Variants in BRIP1 observed in about 807,000 individuals in gnomAD.
BRIP1 encodes the protein BRCA1 interacting DNA helicase 1.
In BRIP1, 88 loss-of-function variants were observed where a neutral mutation model predicts 119.7. The ratio of observed to expected loss-of-function variants is 0.74; its 90% CI spans 0.62 to 0.88. BRIP1 has a LOEUF of 0.88. Ranked by LOEUF, BRIP1 falls within the 40% of genes least tolerant of loss-of-function variation. BRIP1 has a pLI of 0.00. For synonymous variants in BRIP1, 443 were observed against 496.5 expected, an observed-to-expected ratio of 0.89 and a Z score of 1.43; for missense variants, 1,259 against 1,455.4, an observed-to-expected ratio of 0.87 and a Z score of 2.20.
Position 61,743,057 on chromosome 17 carries a change from C to T in BRIP1, c.2335G>A (p.Val779Ile), listed in dbSNP as rs1603303802. 2 of 1,614,006 alleles carry T rather than the reference C, an allele frequency of 1.2e-6. No individual in the cohort carries two copies. Among genetic ancestry groups the T allele is most frequent in the Non-Finnish European group, 1.7e-6 (2 of 1,179,930 alleles). ...GGAAAAGGAATTCCTATTGTTATGA[C>T]AGCACGGGCATTGTCATCTGAGAAA... ...LDFSDDNARA[V>I]ITIGIPFPNV... Residue 779 changes from valine (V) to isoleucine (I), a missense_variant, in exon 16 of 20, where the codon GTC becomes ATC. Coordinates refer to ENST00000259008, the MANE Select transcript of BRIP1 (RefSeq NM_032043.3). The surrounding 1 kb of genome is among the most constrained non-coding windows in gnomAD (Gnocchi z 4.3).
rs1310165942 is a variant in BRIP1 at position 61,828,161 on chromosome 17, C to T, written c.627+18940G>A. Among the ~76,000 whole-genome samples the T allele has an allele frequency of 6.6e-6, 1 of 152,174 alleles. No homozygotes were observed. Among genetic ancestry groups the T allele is most frequent in the African/African-American group, 2.4e-5 (1 of 41,444 alleles). On this transcript the variant is annotated intron_variant, in intron 6 of 19. Transcript: ENST00000259008. This position sits in a 1 kb window ranked among gnomAD's most constrained non-coding sequence, Gnocchi z 4.1. The stretch of plus-strand genomic sequence containing the variant: ...AAAAGATGGAAACAACCCAGATGTC[C>T]ACTGGCAGATGAACGGACAAACAAA...
chr17:61,759,488 T>C lies in BRIP1; in HGVS notation c.2098-14897A>G, dbSNP rs1275351307. Among the ~76,000 whole-genome samples the C allele has an allele frequency of 1.3e-5, 2 of 152,160 alleles. No homozygotes were observed. Among genetic ancestry groups the C allele is most frequent in the African/African-American group, 4.8e-5 (2 of 41,456 alleles). The stretch of plus-strand genomic sequence containing the variant: ...ATACAATAATAGTAGGAGACATTGA[T>C]ACCCCACTTTCAACAATGAACAAAT... On this transcript the variant is annotated intron_variant, in intron 14 of 19. Transcript: ENST00000259008. The surrounding 1 kb of genome is among the most constrained non-coding windows in gnomAD (Gnocchi z 4.9).
chr17:61,697,565 G>T (rs2061549053), intron 17 of BRIP1, among the ~76,000 whole-genome samples: 1 of 151,324 alleles, frequency 6.6e-6, no homozygotes. Flanking sequence ...TATTTTCTTT[G>T]GTCAGTCTTG....
intron 6 of BRIP1, among the ~76,000 whole-genome samples, chr17:61,817,542 C>G (rs984204930): frequency 3.9e-5 from 6 of 152,162 alleles, no homozygotes; most frequent in Admixed American, 2.6e-4. Context: ...GTTATTATTA[C>G]ATACAAGTCT....
rs2077392380 is a variant in BRIP1 at position 61,767,707 on chromosome 17, G to C, written c.2097+8694C>G. 6.6e-6 allele frequency among the ~76,000 whole-genome samples: 1 copy of C among 152,106 alleles called. No homozygotes were observed. Among genetic ancestry groups the C allele is most frequent in the Non-Finnish European group, 1.5e-5 (1 of 68,020 alleles). On this transcript the variant is annotated intron_variant, in intron 14 of 19. Coordinates refer to ENST00000259008, the MANE Select transcript of BRIP1 (RefSeq NM_032043.3). The surrounding 1 kb of genome is among the most constrained non-coding windows in gnomAD (Gnocchi z 5.7). ...GGCCTCCCAAAGTGCTGGGATTACA[G>C]GTGTGAGTCACCGCACCTGGCCCTT...
At position 61,757,843 on chromosome 17, in the gene BRIP1, A is replaced by T. The variant is rs2077220712; in HGVS notation, c.2098-13252T>A. Among the ~76,000 whole-genome samples the T allele has an allele frequency of 6.6e-6, 1 of 152,034 alleles. No individual in the cohort carries two copies. Among genetic ancestry groups the T allele is most frequent in the Non-Finnish European group, 1.5e-5 (1 of 67,984 alleles). ...GGCTAAACCCCATCTCTACAAAAAA[A>T]ATAACTGGGCATGGTGGTATGTTCC... is the stretch of plus-strand genomic sequence containing the variant. On this transcript the variant is annotated intron_variant, in intron 14 of 19. Transcript: ENST00000259008. The surrounding 1 kb of genome is among the most constrained non-coding windows in gnomAD (Gnocchi z 4.3).
chr17:61,829,939 T>C (rs200957927), intron 6 of BRIP1, among the ~76,000 whole-genome samples: 3 of 150,416 alleles, frequency 2.0e-5, no homozygotes, highest in East Asian at 2.0e-4. Flanking sequence ...TTTTTTTTTT[T>C]CTTTTTTTTT....
intron 10 of BRIP1, among the ~76,000 whole-genome samples, chr17:61,790,887 A>ATC (rs2077806530): frequency 6.6e-6 from 1 of 152,202 alleles, no homozygotes; most frequent in Admixed American, 6.5e-5. Context: ...TCAGCCTGTC[A>ATC]AAGTGTAGGA....
chr17:61,718,319 C>T (rs560298907), intron 16 of BRIP1, among the ~76,000 whole-genome samples: 79 of 152,316 alleles, frequency 5.2e-4, no homozygotes, highest in African/African-American at 1.9e-3. Context: ...AGCCTTTAGT[C>T]TAGGGCTAAT....
Position 61,798,457 on chromosome 17 carries a change from T to C in BRIP1, c.1340+643A>G, listed in dbSNP as rs1415719717. ...TGGAACTGGAAGGAGGTTTTTACTA[T>C]ACAAATTTGTATACATTTTGTCTTC... On this transcript the variant is annotated intron_variant, in intron 9 of 19. Transcript: ENST00000259008. This position sits in a 1 kb window ranked among gnomAD's most constrained non-coding sequence, Gnocchi z 5.5. 6.6e-6 allele frequency among the ~76,000 whole-genome samples: 1 copy of C among 152,042 alleles called. No homozygotes were observed. The highest frequency in any genetic ancestry group is 1.5e-5 in the Non-Finnish European group (1 of 67,926).
rs148731603 is a variant in BRIP1, at chr17:61,724,289, T to A, written c.2380-8226A>T. On this transcript the variant is annotated intron_variant, in intron 16 of 19. Transcript: ENST00000259008. This position sits in a 1 kb window ranked among gnomAD's most constrained non-coding sequence, Gnocchi z 5.1. ...GATTCTGATTTTTACCATTATATCA[T>A]AATGTACTTGAGATTGAACAGAAAG... 5.6e-4 allele frequency among the ~76,000 whole-genome samples: 86 copies of A among 152,218 alleles called. No homozygotes were observed. Among genetic ancestry groups the A allele is most frequent in the African/African-American group, 2.0e-3 (85 of 41,562 alleles).
chr17:61,756,094 A>G lies in BRIP1; in HGVS notation c.2098-11503T>C, dbSNP rs1033344824. 6.6e-6 allele frequency among the ~76,000 whole-genome samples: 1 copy of G among 152,202 alleles called. No individual in the cohort carries two copies. Among genetic ancestry groups the G allele is most frequent in the Non-Finnish European group, 1.5e-5 (1 of 68,030 alleles). ...TGGAGTACAATTCTATAGCAAAAAC[A>G]TACTGGTTATTTTAGTGAAAATGGC... On this transcript the variant is annotated intron_variant, in intron 14 of 19. Transcript: ENST00000259008. The surrounding 1 kb of genome is among the most constrained non-coding windows in gnomAD (Gnocchi z 4.3).
Position 61,687,717 on chromosome 17 carries a change from G to C in BRIP1, c.2576-1552C>G, listed in dbSNP as rs1212595799. ...TGACTCTGAAAACTGTTTACTGTTG[G>C]ATGAAACCATCGAGTGAGAAAAAAA... On this transcript the variant is annotated intron_variant, in intron 18 of 19. Coordinates refer to ENST00000259008, the MANE Select transcript of BRIP1 (RefSeq NM_032043.3). This position sits in a 1 kb window ranked among gnomAD's most constrained non-coding sequence, Gnocchi z 5.1. Among the ~76,000 whole-genome samples, 1 of 152,018 alleles carries C rather than the reference G, an allele frequency of 6.6e-6. No homozygotes were observed. Among genetic ancestry groups the C allele is most frequent in the Non-Finnish European group, 1.5e-5 (1 of 68,018 alleles).
rs138743097 is a variant in BRIP1 at position 61,808,607 on chromosome 17, T to C, written c.778A>G (p.Thr260Ala). 4.1e-5 allele frequency: 66 copies of C among 1,614,008 alleles called. No homozygotes were observed. In the Middle Eastern group the frequency reaches 8.2e-4, roughly 20 times the overall value. Residue 260 changes from threonine to alanine, a missense_variant, in exon 7 of 20, where the codon ACT becomes GCT. Around this residue, in one of 3 missense-constraint regions of BRIP1, gnomAD observed 501 missense variants for 544.0 expected, o/e 0.92. Coordinates refer to ENST00000259008, the MANE Select transcript of BRIP1 (RefSeq NM_032043.3). This position sits in a 1 kb window ranked among gnomAD's most constrained non-coding sequence, Gnocchi z 4.1. ...TATGCCGTCCTCCGGAGCTCTCTAG[T>C]AATCTGAGCAATCTGCTTGTGTGTG... Reference protein sequence around the residue: ...TRTHKQIAQITRELRRTAYSG... With the variant: ...TRTHKQIAQIARELRRTAYSG...
chr17:61,829,940 C>CT (rs1170195613), intron 6 of BRIP1, among the ~76,000 whole-genome samples: 8 of 135,950 alleles, frequency 5.9e-5, no homozygotes, highest in Non-Finnish European at 9.4e-5. Context: ...TTTTTTTTTT[C>CT]TTTTTTTTTG....
rs550031006 is a variant in BRIP1 at position 61,808,588 on chromosome 17, G to A, written c.797C>T (p.Thr266Met). ...IAQITRELRR[T>M]AYSGVPMTIL... ...AGTCATTGGAACCCCTGAATATGCC[G>A]TCCTCCGGAGCTCTCTAGTAATCTG... Residue 266 changes from threonine (T) to methionine (M), a missense_variant, in exon 7 of 20, where the codon ACG (threonine) becomes ATG (methionine). Transcript: ENST00000259008. This position sits in a 1 kb window ranked among gnomAD's most constrained non-coding sequence, Gnocchi z 4.1. 2.5e-5 allele frequency: 41 copies of A among 1,613,786 alleles called. No homozygotes were observed. Among genetic ancestry groups the A allele is most frequent in the East Asian group, 2.5e-4 (11 of 44,874 alleles).
At chr17:61,792,961 A>T (rs1168836592) in intron 10 of BRIP1, among the ~76,000 whole-genome samples, 1 of 152,144 alleles carries the variant, frequency 6.6e-6, no homozygotes, top group Admixed American at 6.6e-5. Context: ...GAGTGAGAGT[A>T]TATGAGAATT....
intron 16 of BRIP1, among the ~76,000 whole-genome samples, chr17:61,733,728 A>G (rs935411212): frequency 2.0e-5 from 3 of 152,188 alleles, no homozygotes; most frequent in Non-Finnish European, 1.5e-5. Context: ...GCTAATAGTA[A>G]GATAGACAAT....
rs567063303 is a variant in BRIP1 at position 61,705,260 on chromosome 17, G to T, written c.2492+10691C>A. Among the ~76,000 whole-genome samples, 1 of 152,216 alleles carries T rather than the reference G, an allele frequency of 6.6e-6. No homozygotes were observed. The highest frequency in any genetic ancestry group is 2.1e-4 in the South Asian group (1 of 4,814). ...TCCAGTTGCATCCATGTTGCGGCAA[G>T]GACATGATTTCATTCTTTTTTAATG... On this transcript the variant is annotated intron_variant, in intron 17 of 19. Transcript: ENST00000259008. The surrounding 1 kb of genome is among the most constrained non-coding windows in gnomAD (Gnocchi z 5.0).
Sources: allele counts gnomAD v4.1 joint callset (sites outside exome capture counted in the v4.1 genomes callset), GRCh38; gene constraint gnomAD v4.1.1; regional missense constraint gnomAD v4.1.1; non-coding constraint Gnocchi (gnomAD v3.1); transcripts MANE v1.5; gene names NCBI Gene and HGNC (gene_info 2026-07-23, HGNC 2026-07-21).